The following CNTLN variants were observed in gnomAD, a reference collection of about 807,000 sequenced individuals.
CNTLN encodes the protein centlein, centrosomal protein.
Under a neutral mutation model 180.0 loss-of-function variants are expected in CNTLN, and 212 were observed. That is an observed-to-expected ratio of 1.18 (90% CI 1.05 to 1.32). The LOEUF (loss-of-function observed/expected upper bound fraction) is 1.32, where lower values mean the gene tolerates loss of function less well. Among genes scored for constraint, CNTLN ranks in the 40% most tolerant of loss-of-function variants. The pLI, the probability that CNTLN is intolerant of heterozygous loss-of-function variation, is 0.00. For missense variants in CNTLN, 2,095 were observed against 1,610.9 expected, an observed-to-expected ratio of 1.30 and a Z score of -5.14; for synonymous variants, 722 against 563.1, an observed-to-expected ratio of 1.28 and a Z score of -3.99.
rs182184714 is a variant in CNTLN, at chr9:17,359,682, C to T, written c.1887-6935C>T. Among the ~76,000 whole-genome samples, 301 of 137,018 alleles carry T rather than the reference C, an allele frequency of 2.2e-3. 3 individuals are homozygous for T. The highest frequency in any genetic ancestry group is 7.7e-3 in the African/African-American group (289 of 37,480). 89.9% of individuals were successfully genotyped at this position (137,018 alleles called of 152,430 possible). A position where few individuals can be genotyped will look rare whatever the true frequency, so the allele number is the denominator to read the frequency against. Reference sequence around the variant, plus strand: ...GGATCACGAGGTCCGGAGATCAAAACCATCCTGGCTAACACGGTGAAACTC... The same window carrying T: ...GGATCACGAGGTCCGGAGATCAAAATCATCCTGGCTAACACGGTGAAACTC... On this transcript the variant is annotated intron_variant, in intron 12 of 25. Coordinates refer to ENST00000380647, the MANE Select transcript of CNTLN (RefSeq NM_017738.4).
chr9:17,490,314 C>A (rs113101231), intron 25 of CNTLN, among the ~76,000 whole-genome samples: 4,305 of 151,914 alleles, frequency 0.028, 98 homozygotes, highest in African/African-American at 0.066. Flanking sequence ...GATCTACATT[C>A]TAATGAGTGA....
At chr9:17,524,571 G>A in the CNTLN span, among the ~76,000 whole-genome samples, 3 of 152,184 alleles carry the variant, frequency 2.0e-5, no homozygotes, top group African/African-American at 7.2e-5. Flanking sequence ...AAGTGTCTAG[G>A]TACTGGATGT....
chr9:17,148,923 A>G (rs1007864556), intron 2 of CNTLN, among the ~76,000 whole-genome samples: 2 of 152,062 alleles, frequency 1.3e-5, no homozygotes, highest in Non-Finnish European at 2.9e-5. Flanking sequence ...GCACCCATCA[A>G]CCTGTCACCT....
chr9:17,482,783 C>G (rs1441753680), intron 23 of CNTLN, among the ~76,000 whole-genome samples: 4 of 152,104 alleles, frequency 2.6e-5, no homozygotes, highest in African/African-American at 9.7e-5. Flanking sequence ...AAAGTTCAGA[C>G]ACTGACAAAC....
At chr9:17,414,902 C>T (rs1043698306) in intron 16 of CNTLN, among the ~76,000 whole-genome samples, 3 of 152,074 alleles carry the variant, frequency 2.0e-5, no homozygotes, top group African/African-American at 7.2e-5. Flanking sequence ...CCAGCCTAGA[C>T]AGTATGGTGA....
chr9:17,213,711 A>C (rs1034706786), intron 2 of CNTLN, among the ~76,000 whole-genome samples: 1 of 152,100 alleles, frequency 6.6e-6, no homozygotes, highest in Admixed American at 6.6e-5. Context: ...GTAGGTCTCT[A>C]AGGACTTGCT....
At chr9:17,297,060 G>T (rs1296678123) in intron 6 of CNTLN, among the ~76,000 whole-genome samples, 1 of 152,104 alleles carries the variant, frequency 6.6e-6, no homozygotes, top group Non-Finnish European at 1.5e-5. Context: ...CATATCCATG[G>T]ATTCCATATC....
At chr9:17,437,563 T>A (rs1829851341) in intron 18 of CNTLN, among the ~76,000 whole-genome samples, 1 of 152,234 alleles carries the variant, frequency 6.6e-6, no homozygotes, top group Non-Finnish European at 1.5e-5. Context: ...TATTTATCAC[T>A]ATTGAATTGA....
chr9:17,154,682 G>A (rs1819134825), intron 2 of CNTLN, among the ~76,000 whole-genome samples: 1 of 152,210 alleles, frequency 6.6e-6, no homozygotes, highest in South Asian at 2.1e-4. Flanking sequence ...ACACCAATCA[G>A]TGCTCTGTGT....
chr9:17,487,316 A>T (rs1303055249), intron 25 of CNTLN: 1 of 443,820 alleles, frequency 2.3e-6, no homozygotes, highest in African/African-American at 2.1e-5. Flanking sequence ...TATTGAGTCA[A>T]CCTCTGTGCT....
chr9:17,146,251 G>T (rs1818453138), intron 2 of CNTLN, among the ~76,000 whole-genome samples: 1 of 152,028 alleles, frequency 6.6e-6, no homozygotes, highest in Non-Finnish European at 1.5e-5. Flanking sequence ...TCTGTTAGAG[G>T]TTGGATCTTA....
intron 1 of CNTLN, among the ~76,000 whole-genome samples, chr9:17,141,223 A>C (rs971451472): frequency 6.6e-6 from 1 of 152,204 alleles, no homozygotes; most frequent in Non-Finnish European, 1.5e-5. Context: ...AGAAATTGAG[A>C]TATCTGCCAC....
chr9:17,506,564 A>T (rs774763820), downstream of CNTLN, among the ~76,000 whole-genome samples: 30 of 152,092 alleles, frequency 2.0e-4, no homozygotes, highest in Non-Finnish European at 1.2e-4. Context: ...GCTAGCCCTT[A>T]CTCATCTACT....
intron 15 of CNTLN, among the ~76,000 whole-genome samples, chr9:17,406,265 A>G (rs960729289): frequency 1.3e-5 from 2 of 151,752 alleles, no homozygotes; most frequent in African/African-American, 2.4e-5. Context: ...TTTCTTATCA[A>G]TTTTGTTTGT....
intron 12 of CNTLN, among the ~76,000 whole-genome samples, chr9:17,362,542 G>C (rs12377334): frequency 0.23 from 34,357 of 151,996 alleles, 4,182 homozygotes; most frequent in South Asian, 0.34. Flanking sequence ...TGAGTGAGGG[G>C]AAGGAGAGGC....
At chr9:17,383,046 A>G (rs10120733) in intron 13 of CNTLN, among the ~76,000 whole-genome samples, 123,976 of 151,968 alleles carry the variant, frequency 0.82, 51,052 homozygotes, top group Non-Finnish European at 0.87. Flanking sequence ...AATAGAACTG[A>G]GGTGTGACCT....
intron 6 of CNTLN, among the ~76,000 whole-genome samples, chr9:17,290,196 G>T (rs916652270): frequency 6.6e-6 from 1 of 152,096 alleles, no homozygotes. Context: ...TGGTGTGGAT[G>T]TCCTTTCTGT....
At chr9:17,206,435 A>G (rs1484228337) in intron 2 of CNTLN, among the ~76,000 whole-genome samples, 1 of 152,210 alleles carries the variant, frequency 6.6e-6, no homozygotes, top group Non-Finnish European at 1.5e-5. Flanking sequence ...CCACAGCCCA[A>G]GGAGGGGTTT....
intron 6 of CNTLN, among the ~76,000 whole-genome samples, chr9:17,297,566 G>C (rs1818037983): frequency 2.6e-5 from 4 of 152,020 alleles, no homozygotes; most frequent in Admixed American, 2.6e-4. Flanking sequence ...CAGTTCATTT[G>C]TCCTCCTGCT....
Sources: gnomAD v4.1 joint callset for allele counts (sites outside exome capture counted in the v4.1 genomes callset) on GRCh38, gnomAD v4.1.1 for gene constraint, MANE v1.5 for transcripts, NCBI Gene and HGNC (gene_info 2026-07-23, HGNC 2026-07-21) for gene names.